The following SPATS2 variants were observed in gnomAD, a reference collection of about 807,000 sequenced individuals.
SPATS2 encodes spermatogenesis-associated serine-rich protein 2.
In SPATS2, 38 loss-of-function variants were observed where a neutral mutation model predicts 63.7. The ratio of observed to expected loss-of-function variants is 0.60; its 90% confidence interval spans 0.46 to 0.78. The LOEUF is 0.78. SPATS2 is among the 30% of genes least tolerant of loss of function. SPATS2 has a pLI of 0.00. For missense variants in SPATS2, 588 were observed against 666.2 expected (o/e 0.88, Z 1.29); for synonymous variants, 207 against 232.9 (o/e 0.89, Z 1.01).
chr12:49,416,020 CTTT>C (rs774706596), intron 2 of SPATS2, among the ~76,000 whole-genome samples: 12 of 137,164 alleles, frequency 8.7e-5, no homozygotes, highest in Admixed American at 4.4e-4. Context: ...AAACATTTTA[CTTT>C]TTTTTTTTTT....
Position 49,460,805 on chromosome 12 carries a change from T to A in SPATS2, c.-208T>A. The A allele has an allele frequency of 1.7e-6, 1 of 598,148 alleles. No homozygotes were observed. Among genetic ancestry groups the A allele is most frequent in the Non-Finnish European group, 3.0e-6 (1 of 331,704 alleles). 37.1% of individuals were successfully genotyped at this position (598,148 alleles called of 1,614,324 possible). ...GAAAAGGAGACATGAATGTCTGCAA[T>A]GATACTTCCTGACAAGAAGTTGATA... On this transcript the variant is annotated 5_prime_UTR_variant, in exon 3 of 14. It removes an upstream start codon present in the reference 5' UTR. Coordinates refer to ENST00000552918, the MANE Select transcript of SPATS2 (RefSeq NM_023071.4).
At chr12:49,477,323 A>G (rs1946134859) in intron 3 of SPATS2, among the ~76,000 whole-genome samples, 1 of 152,174 alleles carries the variant, frequency 6.6e-6, no homozygotes, top group Admixed American at 6.5e-5. Context: ...TTTGTCTCAT[A>G]AGAAGAGGCA....
In SPATS2 at chr12:49,484,597, A is replaced by G. The variant is rs1428768264; in HGVS notation, c.33A>G (p.Ser11=). Residue 11 remains serine (S), a synonymous_variant, in exon 4 of 14, where the codon TCA becomes TCG. Coordinates refer to ENST00000552918, the MANE Select transcript of SPATS2 (RefSeq NM_023071.4). Reference sequence around the variant, plus strand: ...TTTCCCTTATTCTTTCAGATTCATCAGGATTCATTTTTGATTTGCAGTCCA... The same window carrying G: ...TTTCCCTTATTCTTTCAGATTCATCGGGATTCATTTTTGATTTGCAGTCCA... MSRKQNQKDS[S]GFIFDLQSNT... 1 of 1,613,790 alleles carries G rather than the reference A, an allele frequency of 6.2e-7. No individual in the cohort carries two copies. The highest frequency in any genetic ancestry group is 8.5e-7 in the Non-Finnish European group (1 of 1,179,878).
intron 6 of SPATS2, among the ~76,000 whole-genome samples, chr12:49,494,072 T>G (rs1482508643): frequency 6.6e-6 from 1 of 152,216 alleles, no homozygotes; most frequent in Non-Finnish European, 1.5e-5. Context: ...ACTTTGCATA[T>G]GTGTTATTCT....
Position 49,434,202 on chromosome 12 carries a change from T to C in SPATS2, c.-243-26568T>C, listed in dbSNP as rs189463802. Among the ~76,000 whole-genome samples the C allele has an allele frequency of 1.9e-3, 293 of 152,296 alleles. 1 individual carries two copies. The highest frequency in any genetic ancestry group is 6.7e-3 in the African/African-American group (279 of 41,556). The stretch of plus-strand genomic sequence containing the variant: ...TATAGCTTTGTAATATGTTTTGAAA[T>C]CAAGAAATGTGAGGCCTCCAACTCC... On this transcript the variant is annotated intron_variant, in intron 2 of 13. Coordinates refer to ENST00000552918, the MANE Select transcript of SPATS2 (RefSeq NM_023071.4).
chr12:49,436,539 C>T (rs1386506307), intron 2 of SPATS2, among the ~76,000 whole-genome samples: 3 of 122,134 alleles, frequency 2.5e-5, no homozygotes, highest in East Asian at 2.3e-4. Flanking sequence ...ACCCCCCCGC[C>T]TCCTGGCCGG....
At chr12:49,521,210 T>C (rs530081763) in intron 11 of SPATS2, among the ~76,000 whole-genome samples, 1 of 152,344 alleles carries the variant, frequency 6.6e-6, no homozygotes, top group Admixed American at 6.5e-5. Flanking sequence ...ATAAGATTTA[T>C]TGTCACACTG....
intron 12 of SPATS2, among the ~76,000 whole-genome samples, chr12:49,523,389 G>T (rs773792947): frequency 6.6e-6 from 1 of 150,892 alleles, no homozygotes; most frequent in African/African-American, 2.4e-5. Context: ...GTGGGGTGGG[G>T]GTGGGTGAGA....
chr12:49,438,698 TATAAC>T (rs1376491879), intron 2 of SPATS2, among the ~76,000 whole-genome samples: 3 of 152,232 alleles, frequency 2.0e-5, no homozygotes, highest in Non-Finnish European at 4.4e-5. Flanking sequence ...AAATTTTAAG[TATAAC>T]ATATACAGCA....
At chr12:49,471,649 C>T (rs1946035770) in intron 3 of SPATS2, among the ~76,000 whole-genome samples, 1 of 152,148 alleles carries the variant, frequency 6.6e-6, no homozygotes, top group South Asian at 2.1e-4. Context: ...GTGTTTTAAC[C>T]ATTTTTAAGT....
intron 2 of SPATS2, among the ~76,000 whole-genome samples, chr12:49,414,699 A>G (rs1944855003): frequency 6.6e-6 from 1 of 151,402 alleles, no homozygotes; most frequent in African/African-American, 2.4e-5. Context: ...TGAACTCCTT[A>G]GCTTGTGACC....
chr12:49,469,938 A>C (rs1450640766), intron 3 of SPATS2, among the ~76,000 whole-genome samples: 1 of 151,990 alleles, frequency 6.6e-6, no homozygotes, highest in East Asian at 1.9e-4. Context: ...TCCCTGAAAA[A>C]TGTTTGATTT....
At chr12:49,502,246 G>A (rs768148249) in intron 9 of SPATS2, among the ~76,000 whole-genome samples, 6 of 152,166 alleles carry the variant, frequency 3.9e-5, no homozygotes, top group Non-Finnish European at 5.9e-5. Flanking sequence ...ATAGAGGAGA[G>A]TGTAGGTCCC....
At chr12:49,482,297 A>C (rs1464280755) in intron 3 of SPATS2, among the ~76,000 whole-genome samples, 1 of 152,212 alleles carries the variant, frequency 6.6e-6, no homozygotes, top group African/African-American at 2.4e-5. Context: ...CAGCATTGGC[A>C]GGAGATTCCG....
chr12:49,428,290 A>T (rs926636270), intron 2 of SPATS2, among the ~76,000 whole-genome samples: 1 of 152,082 alleles, frequency 6.6e-6, no homozygotes, highest in African/African-American at 2.4e-5. Flanking sequence ...AAAAAACAAA[A>T]ATTCAGTAGA....
intron 9 of SPATS2, among the ~76,000 whole-genome samples, chr12:49,509,449 A>G (rs1278005763): frequency 1.3e-5 from 2 of 151,670 alleles, no homozygotes; most frequent in Admixed American, 1.3e-4. Flanking sequence ...TTGTACTTCT[A>G]GTAGAGACAG....
At chr12:49,431,756 G>A (rs918909757) in intron 2 of SPATS2, among the ~76,000 whole-genome samples, 1 of 152,132 alleles carries the variant, frequency 6.6e-6, no homozygotes, top group Non-Finnish European at 1.5e-5. Context: ...TGCTAGGGTG[G>A]GTGTGATAGC....
intron 6 of SPATS2, among the ~76,000 whole-genome samples, chr12:49,491,853 C>T (rs1946387962): frequency 6.6e-6 from 1 of 152,200 alleles, no homozygotes; most frequent in African/African-American, 2.4e-5. Flanking sequence ...CTTCCCACAG[C>T]TCTGCACTGT....
chr12:49,416,090 A>G (rs369459992), intron 2 of SPATS2, among the ~76,000 whole-genome samples: 17 of 149,502 alleles, frequency 1.1e-4, no homozygotes, highest in African/African-American at 4.2e-4. Context: ...TTGGTTATCT[A>G]TTGCTGTGTA....
Sources: gnomAD v4.1 joint callset for allele counts (sites outside exome capture counted in the v4.1 genomes callset) on GRCh38, gnomAD v4.1.1 for gene constraint, MANE v1.5 for transcripts, NCBI Gene and HGNC (gene_info 2026-07-23, HGNC 2026-07-21) for gene names.